Variants in DDC observed in about 807,000 individuals in gnomAD.
DDC encodes the protein aromatic-L-amino-acid decarboxylase.
A neutral mutation model predicts 60.0 loss-of-function variants in DDC; 43 were observed. The observed-to-expected ratio is 0.72, with a 90% CI of 0.56 to 0.92. The LOEUF (loss-of-function observed/expected upper bound fraction) is 0.92. Ranked by LOEUF, DDC falls within the 40% of genes least tolerant of loss-of-function variation. The pLI, the probability that DDC is intolerant of heterozygous loss-of-function variation, is 0.00. For synonymous variants in DDC, 232 were observed against 234.6 expected, an observed-to-expected ratio of 0.99 and a Z score of 0.10; for missense variants, 573 against 620.2, an observed-to-expected ratio of 0.92 and a Z score of 0.81.
intron 8 of DDC, among the ~76,000 whole-genome samples, chr7:50,495,725 A>G (rs1482768285): frequency 2.0e-5 from 3 of 152,256 alleles, no homozygotes; most frequent in Non-Finnish European, 4.4e-5. Flanking sequence ...TTTAAAATTA[A>G]AAGTTTATAT....
intron 9 of DDC, among the ~76,000 whole-genome samples, chr7:50,488,196 C>A (rs181893504): frequency 6.6e-6 from 1 of 151,328 alleles, no homozygotes; most frequent in Non-Finnish European, 1.5e-5. Flanking sequence ...TGTTAAAAAA[C>A]GACATATAAT....
At position 50,540,017 on chromosome 7, in the gene DDC, C is replaced by T; in HGVS notation, c.213G>A (p.Trp71Ter). 2 of 1,613,048 alleles carry T rather than the reference C, an allele frequency of 1.2e-6. No homozygotes were observed. The highest frequency in any genetic ancestry group is 1.7e-6 in the Non-Finnish European group (2 of 1,179,404). Residue 71 changes from tryptophan to a stop codon, truncating the protein, a stop_gained, in exon 3 of 15, where the codon TGG becomes TGA. Coordinates refer to ENST00000444124, the MANE Select transcript of DDC (RefSeq NM_001082971.2). LOFTEE classifies it high-confidence loss of function. ...AGTAGGCGAAGAAGTAGGGGCTGTG[C>T]CAGTGCGTCACCTGCATGGGAGGAC... ...EKIIMPGVTHWHSPYFFAYFP... is the reference protein window; with the variant it reads ...EKIIMPGVTH
At chr7:50,555,460 G>A (rs1314519719) in intron 1 of DDC, among the ~76,000 whole-genome samples, 1 of 152,094 alleles carries the variant, frequency 6.6e-6, no homozygotes, top group Non-Finnish European at 1.5e-5. Context: ...CAAAGCCAAG[G>A]CAGAACCCCT....
chr7:50,565,010 C>T (rs939553326), intron 1 of DDC, among the ~76,000 whole-genome samples: 1 of 152,186 alleles, frequency 6.6e-6, no homozygotes, highest in Non-Finnish European at 1.5e-5. Context: ...ACATCTGGCC[C>T]GCATTTGCTA....
At chr7:50,466,526 A>G (rs2042403004) in intron 13 of DDC, among the ~76,000 whole-genome samples, 1 of 150,206 alleles carries the variant, frequency 6.7e-6, no homozygotes, top group Non-Finnish European at 1.5e-5. Context: ...AACCTTATAA[A>G]CCAAACAGAG....
At chr7:50,490,401 T>A (rs2042973772) in intron 9 of DDC, among the ~76,000 whole-genome samples, 1 of 152,226 alleles carries the variant, frequency 6.6e-6, no homozygotes, top group South Asian at 2.1e-4. Context: ...CCGGGCACAG[T>A]GGCCCATGCC....
intron 9 of DDC, among the ~76,000 whole-genome samples, chr7:50,485,176 C>A (rs1298836631): frequency 6.6e-6 from 1 of 152,054 alleles, no homozygotes; most frequent in African/African-American, 2.4e-5. Context: ...ATAATATATG[C>A]CTTTCGTGTG....
chr7:50,532,635 A>G (rs1273226575), intron 4 of DDC, among the ~76,000 whole-genome samples: 1 of 152,272 alleles, frequency 6.6e-6, no homozygotes, highest in African/African-American at 2.4e-5. Context: ...GATGAAGACA[A>G]TAACACAAAG....
chr7:50,525,308 A>G (rs1296670673), intron 6 of DDC, among the ~76,000 whole-genome samples: 3 of 152,210 alleles, frequency 2.0e-5, no homozygotes, highest in African/African-American at 7.2e-5. Flanking sequence ...GATAAATGAC[A>G]TAGACCTATA....
chr7:50,477,920 C>T (rs11763807), intron 10 of DDC, among the ~76,000 whole-genome samples: 9 of 151,568 alleles, frequency 5.9e-5, no homozygotes, highest in East Asian at 1.9e-4. Flanking sequence ...AAATTGTCGA[C>T]GCCAGGCGTG....
chr7:50,481,071 T>C (rs763447024), intron 9 of DDC, among the ~76,000 whole-genome samples: 3 of 152,170 alleles, frequency 2.0e-5, no homozygotes, highest in Non-Finnish European at 4.4e-5. Flanking sequence ...TGACAGTAGC[T>C]TAGGCTTGAA....
chr7:50,460,059 G>A (rs1435794293), intron 14 of DDC, among the ~76,000 whole-genome samples: 1 of 146,402 alleles, frequency 6.8e-6, no homozygotes, highest in African/African-American at 2.6e-5. Flanking sequence ...AAGGAGGTGG[G>A]GGGGGTCAGC....
intron 4 of DDC, 141 bp downstream of exon 4, chr7:50,537,719 C>A: frequency 8.9e-7 from 1 of 1,129,776 alleles, no homozygotes; most frequent in Non-Finnish European, 1.3e-6. Flanking sequence ...CAGCATTTTC[C>A]CAAGAGCTCG....
chr7:50,479,706 C>T lies in DDC; in HGVS notation c.1021+81G>A, dbSNP rs1454665574. On this transcript the variant is annotated intron_variant, in intron 10 of 14. Coordinates refer to ENST00000444124, the MANE Select transcript of DDC (RefSeq NM_001082971.2). ...CCTCCTTGGATATGGATGGTCTTCCCCTAACTCCCAGGGACCTCCAGGGCA... is the reference window on the plus strand; with the variant it reads ...CCTCCTTGGATATGGATGGTCTTCCTCTAACTCCCAGGGACCTCCAGGGCA... The T allele has an allele frequency of 1.1e-5, 13 of 1,225,114 alleles. No homozygotes were observed. The East Asian group carries it at 2.6e-4, about 24-fold the overall frequency. 75.9% of individuals were successfully genotyped at this position (1,225,114 alleles called of 1,614,324 possible). A position where few individuals can be genotyped will look rare whatever the true frequency, so the allele number is the denominator to read the frequency against.
intron 1 of DDC, among the ~76,000 whole-genome samples, chr7:50,554,040 C>A (rs577397846): frequency 6.6e-6 from 1 of 152,122 alleles, no homozygotes; most frequent in East Asian, 1.9e-4. Context: ...CCAGGAGGTA[C>A]GTGAATAATC....
At chr7:50,498,064 A>T (rs1258864145) in intron 8 of DDC, among the ~76,000 whole-genome samples, 1 of 152,238 alleles carries the variant, frequency 6.6e-6, no homozygotes. Flanking sequence ...ACCTAATGCA[A>T]TTTCAGTATT....
At chr7:50,535,074 T>G (rs1284109823) in intron 4 of DDC, among the ~76,000 whole-genome samples, 1 of 152,194 alleles carries the variant, frequency 6.6e-6, no homozygotes, top group Non-Finnish European at 1.5e-5. Flanking sequence ...CATTGCTGAG[T>G]CATTGTTGCT....
In DDC at chr7:50,543,343, T is replaced by C. The variant is rs191002839; in HGVS notation, c.201+542A>G. 1.0e-4 allele frequency: 19 copies of C among 187,746 alleles called. No individual in the cohort carries two copies. In the East Asian group the frequency reaches 2.4e-3, roughly 24 times the overall value. The allele number at this position is 187,746 out of a possible 1,614,324, so 11.6% of individuals were successfully genotyped here. A position where few individuals can be genotyped will look rare whatever the true frequency, so the allele number is the denominator to read the frequency against. On this transcript the variant is annotated intron_variant, in intron 2 of 14. Transcript: ENST00000444124. ...AGTGAGTATCGGAGACAGCAGCCAG[T>C]CCCGCTGATTTCTGCCCTCTGTGTA...
chr7:50,529,562 T>A (rs1585238258), intron 4 of DDC, among the ~76,000 whole-genome samples: 1 of 152,196 alleles, frequency 6.6e-6, no homozygotes, highest in Non-Finnish European at 1.5e-5. Context: ...GGGTCTATTT[T>A]GTGTAACAGC....
Sources: allele counts gnomAD v4.1 joint callset (sites outside exome capture counted in the v4.1 genomes callset), GRCh38; gene constraint gnomAD v4.1.1; transcripts MANE v1.5; gene names NCBI Gene and HGNC (gene_info 2026-07-23, HGNC 2026-07-21).